GRID1: variants seen among roughly 807,000 people sequenced by gnomAD.
The protein encoded by GRID1 is glutamate ionotropic receptor delta type subunit 1.
Under a neutral mutation model 98.0 loss-of-function variants are expected in GRID1, and 28 were observed. That is an observed-to-expected ratio of 0.29 (90% CI 0.21 to 0.39). The LOEUF (loss-of-function observed/expected upper bound fraction) is 0.39, where lower values mean the gene tolerates loss of function less well. GRID1 is among the 10% of genes least tolerant of loss of function. The pLI, the probability that GRID1 is intolerant of heterozygous loss-of-function variation, is 1.00. For missense variants in GRID1, 1,111 were observed against 1,340.5 expected (o/e 0.83, Z 2.67); for synonymous variants, 553 against 538.5 (o/e 1.03, Z -0.37).
intron 15 of GRID1, among the ~76,000 whole-genome samples, chr10:85,607,658 A>G (rs530096146): frequency 8.5e-5 from 13 of 152,226 alleles, no homozygotes; most frequent in African/African-American, 3.1e-4. Flanking sequence ...ATGACTTCAC[A>G]TCGTGGGTGG....
intron 3 of GRID1, among the ~76,000 whole-genome samples, chr10:86,190,600 C>A (rs918133563): frequency 1.3e-5 from 2 of 152,232 alleles, no homozygotes; most frequent in Non-Finnish European, 2.9e-5. Flanking sequence ...GTGTGCAGGG[C>A]CCCTGGAGCT....
At chr10:85,903,382 A>G (rs965796747) in intron 5 of GRID1, among the ~76,000 whole-genome samples, 7 of 152,084 alleles carry the variant, frequency 4.6e-5, no homozygotes, top group African/African-American at 1.7e-4. Flanking sequence ...AGCAAATCTT[A>G]TCGGCTCCCC....
intron 5 of GRID1, among the ~76,000 whole-genome samples, chr10:85,913,391 C>T (rs1025045089): frequency 6.6e-6 from 1 of 152,216 alleles, no homozygotes; most frequent in African/African-American, 2.4e-5. Flanking sequence ...TCTGTTTTCC[C>T]ATCTGCAAAA....
intron 10 of GRID1, 54 bp from the exon 11 acceptor site, chr10:85,724,730 T>G: frequency 6.7e-7 from 1 of 1,482,850 alleles, no homozygotes; most frequent in Non-Finnish European, 9.2e-7. Context: ...ACTGCTGGGT[T>G]CTGCCCTGGG....
chr10:85,730,144 C>A (rs944399263), intron 8 of GRID1, among the ~76,000 whole-genome samples: 2 of 152,216 alleles, frequency 1.3e-5, no homozygotes, highest in Admixed American at 6.5e-5. Context: ...ACTGTGGTGC[C>A]AGCTCCCTCA....
intron 4 of GRID1, among the ~76,000 whole-genome samples, chr10:85,955,285 C>T (rs1342031626): frequency 1.3e-5 from 2 of 152,172 alleles, no homozygotes; most frequent in African/African-American, 4.8e-5. Context: ...ATCAAGATGG[C>T]GAACCTGTAG....
chr10:85,714,515 C>A (rs769330965), intron 12 of GRID1, among the ~76,000 whole-genome samples: 1 of 151,920 alleles, frequency 6.6e-6, no homozygotes, highest in Non-Finnish European at 1.5e-5. Context: ...CCTCACCAAA[C>A]AAATGCAGGA....
At chr10:86,225,438 G>A (rs138440790) in intron 2 of GRID1, among the ~76,000 whole-genome samples, 5 of 152,336 alleles carry the variant, frequency 3.3e-5, no homozygotes, top group African/African-American at 7.2e-5. Context: ...AAGCATAATC[G>A]TATTCAGATG....
intron 8 of GRID1, among the ~76,000 whole-genome samples, chr10:85,842,251 T>C (rs1590259951): frequency 2.0e-5 from 3 of 152,064 alleles, no homozygotes; most frequent in African/African-American, 4.8e-5. Context: ...TTCTCACTTA[T>C]AAGTGGCAGT....
At chr10:86,115,670 T>C (rs755505930) in intron 4 of GRID1, among the ~76,000 whole-genome samples, 9 of 152,214 alleles carry the variant, frequency 5.9e-5, no homozygotes, top group Non-Finnish European at 8.8e-5. Flanking sequence ...TGCTTAGCCA[T>C]TCTGCTAACC....
intron 3 of GRID1, among the ~76,000 whole-genome samples, chr10:86,170,139 AG>A (rs1425707099): frequency 1.3e-5 from 2 of 152,212 alleles, no homozygotes; most frequent in Non-Finnish European, 2.9e-5. Flanking sequence ...ACAGCCAAAG[AG>A]GACCACAACG....
At chr10:86,127,128 C>T (rs1844765337) in intron 4 of GRID1, among the ~76,000 whole-genome samples, 1 of 152,216 alleles carries the variant, frequency 6.6e-6, no homozygotes. Flanking sequence ...CCCTTCCCAC[C>T]CTGCTTCGCT....
chr10:85,761,961 A>G (rs762469459), intron 8 of GRID1, among the ~76,000 whole-genome samples: 10 of 152,240 alleles, frequency 6.6e-5, no homozygotes, highest in Non-Finnish European at 1.3e-4. Flanking sequence ...TTATCAGCCT[A>G]CTTGAAATGT....
intron 5 of GRID1, among the ~76,000 whole-genome samples, chr10:85,873,474 G>A (rs545760870): frequency 9.2e-5 from 14 of 152,240 alleles, no homozygotes; most frequent in African/African-American, 3.4e-4. Flanking sequence ...AGTTTATATT[G>A]TGAAATATAT....
chr10:86,084,078 C>T (rs1844015233), intron 4 of GRID1, among the ~76,000 whole-genome samples: 1 of 152,270 alleles, frequency 6.6e-6, no homozygotes, highest in East Asian at 1.9e-4. Flanking sequence ...CCTGGCATGG[C>T]AGGAAGGACA....
At chr10:85,638,665 T>C (rs1262954091) in intron 13 of GRID1, among the ~76,000 whole-genome samples, 3 of 152,222 alleles carry the variant, frequency 2.0e-5, no homozygotes, top group East Asian at 3.8e-4. Flanking sequence ...CTAAGAATTA[T>C]ATTTATAGTA....
chr10:85,632,194 C>A (rs1168219479), intron 13 of GRID1, among the ~76,000 whole-genome samples: 1 of 152,198 alleles, frequency 6.6e-6, no homozygotes, highest in Non-Finnish European at 1.5e-5. Flanking sequence ...TGGGGCACAT[C>A]CTGTTTGCCC....
intron 8 of GRID1, among the ~76,000 whole-genome samples, chr10:85,814,222 C>T (rs973919365): frequency 3.3e-5 from 5 of 151,606 alleles, no homozygotes; most frequent in African/African-American, 4.8e-5. Context: ...AATATAAATG[C>T]CAGGCAGATT....
At chr10:85,676,351 G>T (rs1217637984) in intron 12 of GRID1, among the ~76,000 whole-genome samples, 1 of 152,180 alleles carries the variant, frequency 6.6e-6, no homozygotes, top group Admixed American at 6.5e-5. Context: ...TTGCCTCAGG[G>T]TGGGATCAAA....
Sources: allele counts gnomAD v4.1 joint callset (sites outside exome capture counted in the v4.1 genomes callset), GRCh38; gene constraint gnomAD v4.1.1; transcripts MANE v1.5; gene names NCBI Gene and HGNC (gene_info 2026-07-23, HGNC 2026-07-21).